The following ABCA10 variants were observed in gnomAD, a reference collection of about 807,000 sequenced individuals.
ABCA10 encodes ATP binding cassette subfamily A member 10.
A neutral mutation model predicts 187.5 loss-of-function variants in ABCA10; 169 were observed. The observed-to-expected ratio is 0.90, with a 90% CI of 0.80 to 1.02. ABCA10 has a LOEUF of 1.02. Ranked by LOEUF, ABCA10 falls within the 50% of genes least tolerant of loss-of-function variation. The pLI is 0.00. For missense variants in ABCA10, 1,727 were observed against 1,812.4 expected, an observed-to-expected ratio of 0.95 and a Z score of 0.86; for synonymous variants, 574 against 601.8, an observed-to-expected ratio of 0.95 and a Z score of 0.68.
chr17:69,222,007 T>G (rs2074752161), intron 4 of ABCA10, 112 bp from the exon 5 acceptor site: 1 of 748,280 alleles, frequency 1.3e-6, no homozygotes, highest in Non-Finnish European at 2.1e-6. Flanking sequence ...GCTCAAAGCC[T>G]ATGATTATAT....
At chr17:69,171,934 C>CAAAAAAA (rs555588771) in intron 25 of ABCA10, among the ~76,000 whole-genome samples, 1 of 80,264 alleles carries the variant, frequency 1.2e-5, no homozygotes, top group Non-Finnish European at 2.5e-5. Flanking sequence ...TTTGGGAAGC[C>CAAAAAAA]AAAAAAAAAA....
intron 9 of ABCA10, among the ~76,000 whole-genome samples, chr17:69,209,447 G>T (rs547507542): frequency 6.6e-6 from 1 of 152,278 alleles, no homozygotes; most frequent in South Asian, 2.1e-4. Context: ...TGTATTATTT[G>T]CCAGTAAGAA....
At chr17:69,205,673 A>G (rs1380248364) in intron 9 of ABCA10, among the ~76,000 whole-genome samples, 2 of 152,198 alleles carry the variant, frequency 1.3e-5, no homozygotes, top group East Asian at 3.8e-4. Flanking sequence ...CTAAATAATG[A>G]ACTAAAAGCT....
chr17:69,237,799 A>T (rs1411908799), intron 1 of ABCA10, among the ~76,000 whole-genome samples: 2 of 152,186 alleles, frequency 1.3e-5, no homozygotes, highest in African/African-American at 4.8e-5. Flanking sequence ...AAGACACAAG[A>T]CATTCACAGG....
intron 22 of ABCA10, among the ~76,000 whole-genome samples, chr17:69,176,631 C>T (rs572715939): frequency 3.2e-4 from 48 of 152,016 alleles, no homozygotes; most frequent in African/African-American, 1.1e-3. Flanking sequence ...CAGTATCACC[C>T]CTGGGAAAGG....
chr17:69,197,020 G>GGGGGAA (rs1568065042), intron 11 of ABCA10, 44 bp downstream of exon 11: 3 of 1,408,730 alleles, frequency 2.1e-6, no homozygotes, highest in Admixed American at 2.0e-5. Context: ...GGGAGGGGGA[G>GGGGGAA]GGGGAGAGGG....
rs1224706428 is a variant in ABCA10 at position 69,187,785 on chromosome 17, T to C, written c.2226A>G (p.Thr742=). The part of the protein sequence containing the change: ...MEQVLCSLPE[T]RKAVSSAALW... The stretch of plus-strand genomic sequence containing the variant: ...GAGCTGCACTACTGACAGCCTTTCT[T>C]GTTTCAGGAAGAGAACAAAGAACCT... The change falls in exon 19 of 39, where the codon ACA becomes ACG. Residue 742 remains threonine, a synonymous_variant. Transcript: ENST00000690296. The C allele has an allele frequency of 6.2e-7, 1 of 1,613,826 alleles. No homozygotes were observed. The highest frequency in any genetic ancestry group is 1.3e-5 in the African/African-American group (1 of 74,934).
chr17:69,154,787 A>G (rs1366329655), intron 30 of ABCA10, among the ~76,000 whole-genome samples: 1 of 152,190 alleles, frequency 6.6e-6, no homozygotes, highest in Non-Finnish European at 1.5e-5. Flanking sequence ...TACAACATTA[A>G]TACAGAGAAT....
intron 1 of ABCA10, 82 bp downstream of exon 1, chr17:69,228,499 T>C (rs2074810180): frequency 6.6e-6 from 1 of 152,024 alleles, no homozygotes; most frequent in Non-Finnish European, 1.5e-5. Flanking sequence ...AAAATTTCAA[T>C]CAATATGTTT....
At chr17:69,225,184 C>T (rs898826468) in intron 3 of ABCA10, 141 bp downstream of exon 3, 20 of 887,068 alleles carry the variant, frequency 2.3e-5, no homozygotes, top group African/African-American at 1.7e-5. Flanking sequence ...TCACACCAAC[C>T]CCTGTACTGC....
chr17:69,152,101 C>G lies in ABCA10; in HGVS notation c.4339G>C (p.Val1447Leu), dbSNP rs756076937. 3 of 1,613,750 alleles carry G rather than the reference C, an allele frequency of 1.9e-6. No homozygotes were observed. The highest frequency in any genetic ancestry group is 2.5e-6 in the Non-Finnish European group (3 of 1,179,942). ...AAAATCTCTGTGTGGAGAGCTTCCACCTGGGTAGGTTCTTTCATTTTTATT... is the reference window on the plus strand; with the variant it reads ...AAAATCTCTGTGTGGAGAGCTTCCAGCTGGGTAGGTTCTTTCATTTTTATT... ...LEIKMKEPTQ[V>L]EALHTEILKL... The change falls in exon 36 of 39, where the codon GTG becomes CTG. Residue 1447 changes from valine (V) to leucine (L), a missense_variant. Physicochemically the swap from Val to Leu is conservative, Grantham distance 32 (BLOSUM62 1). Transcript: ENST00000690296.
chr17:69,154,399 T>A (rs1483074904), intron 30 of ABCA10, 73 bp from the exon 31 acceptor site: 17 of 1,020,554 alleles, frequency 1.7e-5, no homozygotes, highest in Admixed American at 4.9e-5. Flanking sequence ...GTTGGTTGCA[T>A]AACATTTTGA....
chr17:69,180,448 T>C (rs2144787654), intron 22 of ABCA10, among the ~76,000 whole-genome samples: 1 of 152,260 alleles, frequency 6.6e-6, no homozygotes, highest in South Asian at 2.1e-4. Context: ...GGAGGGTCTT[T>C]AAGCATTAAA....
rs779662457 is a variant in ABCA10, at chr17:69,152,440, G to A, written c.4178C>T (p.Thr1393Ile). The A allele has an allele frequency of 6.2e-7, 1 of 1,613,896 alleles. No homozygotes were observed. The highest frequency in any genetic ancestry group is 1.1e-5 in the South Asian group (1 of 91,050). ...QATVKNKERG[T>I]LLTTHYMSEA... ...TGACATGTAATGGGTGGTCAAGAGG[G>A]TGCCCCTCTCCTTGTTTTTAACGGT... The change falls in exon 35 of 39, where the codon ACC (threonine) becomes ATC (isoleucine). Residue 1393 changes from threonine (T) to isoleucine (I), a missense_variant. Thr to Ile is a moderately conservative substitution (Grantham distance 89). Coordinates refer to ENST00000690296, the MANE Select transcript of ABCA10 (RefSeq NM_001377321.1).
intron 22 of ABCA10, among the ~76,000 whole-genome samples, chr17:69,178,429 A>C (rs933440104): frequency 2.6e-5 from 4 of 152,174 alleles, no homozygotes; most frequent in Non-Finnish European, 5.9e-5. Context: ...CCCGGTACTT[A>C]CTGGAAATGC....
intron 19 of ABCA10, 104 bp downstream of exon 19, chr17:69,187,577 A>G (rs906742571): frequency 2.4e-6 from 3 of 1,272,952 alleles, no homozygotes; most frequent in Non-Finnish European, 3.2e-6. Context: ...TAAACATACA[A>G]AAAAACTGTT....
chr17:69,217,147 TG>T (rs1172139122), intron 6 of ABCA10, among the ~76,000 whole-genome samples: 3 of 151,672 alleles, frequency 2.0e-5, no homozygotes, highest in Admixed American at 6.6e-5. Flanking sequence ...CTAGGGAGGC[TG>T]AGGCAGGAGA....
intron 29 of ABCA10, among the ~76,000 whole-genome samples, 162 bp from the exon 30 acceptor site, chr17:69,155,298 T>C (rs1400356603): frequency 2.0e-5 from 3 of 152,228 alleles, no homozygotes; most frequent in African/African-American, 2.4e-5. Flanking sequence ...TGTATGTTCA[T>C]AAATAAGGGC....
intron 10 of ABCA10, among the ~76,000 whole-genome samples, chr17:69,199,992 C>T (rs1216555398): frequency 2.6e-5 from 4 of 152,288 alleles, no homozygotes; most frequent in African/African-American, 9.6e-5. Flanking sequence ...ATTTCCTCAA[C>T]TCCAGGGAAT....
Sources: allele counts gnomAD v4.1 joint callset (sites outside exome capture counted in the v4.1 genomes callset), GRCh38; gene constraint gnomAD v4.1.1; transcripts MANE v1.5; gene names NCBI Gene and HGNC (gene_info 2026-07-23, HGNC 2026-07-21).